The following CNOT10 variants were observed in gnomAD, a reference collection of about 807,000 sequenced individuals.
The protein encoded by CNOT10 is CCR4-NOT transcription complex subunit 10.
A neutral mutation model predicts 94.6 loss-of-function variants in CNOT10; 30 were observed. The observed-to-expected ratio is 0.32, with a 90% CI of 0.24 to 0.43. The LOEUF is 0.43. CNOT10 is among the 20% of genes least tolerant of loss of function. CNOT10 has a pLI of 1.00. For missense variants in CNOT10, 759 were observed against 877.2 expected, an observed-to-expected ratio of 0.87 and a Z score of 1.70; for synonymous variants, 289 against 301.6, an observed-to-expected ratio of 0.96 and a Z score of 0.43.
chr3:32,764,671 T>C lies in CNOT10; in HGVS notation c.1877-11T>C. On this transcript the variant is annotated splice_polypyrimidine_tract_variant and intron_variant, in intron 16 of 18. Coordinates refer to ENST00000328834, the MANE Select transcript of CNOT10 (RefSeq NM_015442.3). ...GGCCTCTTCACCAGTGTCTACACTCTTTTTCCCCAGCTGGTAAGCGGGCCC... is the reference window on the plus strand; with the variant it reads ...GGCCTCTTCACCAGTGTCTACACTCCTTTTCCCCAGCTGGTAAGCGGGCCC... 6.2e-7 allele frequency: 1 copy of C among 1,612,178 alleles called. No individual in the cohort carries two copies. The highest frequency in any genetic ancestry group is 8.5e-7 in the Non-Finnish European group (1 of 1,179,222).
intron 13 of CNOT10, among the ~76,000 whole-genome samples, chr3:32,747,005 T>C (rs1699729432): frequency 6.6e-6 from 1 of 151,968 alleles, no homozygotes; most frequent in African/African-American, 2.4e-5. Flanking sequence ...TAATCCCAGC[T>C]ACACGGGGGG....
chr3:32,719,802 A>G (rs1698289670), intron 7 of CNOT10, among the ~76,000 whole-genome samples: 1 of 152,184 alleles, frequency 6.6e-6, no homozygotes, highest in Non-Finnish European at 1.5e-5. Context: ...TGTGTTGTCA[A>G]ATTGGTTTTC....
chr3:32,685,258 AGCTGTT>A lies in CNOT10; in HGVS notation c.-193_-188del, dbSNP rs967010692. 1.1e-5 allele frequency: 6 copies of A among 550,276 alleles called. No homozygotes were observed. Among genetic ancestry groups the A allele is most frequent in the African/African-American group, 7.8e-5 (4 of 51,322 alleles). 34.1% of individuals were successfully genotyped at this position (550,276 alleles called of 1,614,324 possible). On this transcript the variant is annotated 5_prime_UTR_variant, in exon 1 of 19. Coordinates refer to ENST00000328834, the MANE Select transcript of CNOT10 (RefSeq NM_015442.3). ...GGCTGTGGCGGTCCCTTGGTGGGGA[AGCTGTT>A]GCTGTTGCTAGACGACGGGAACTAG...
At chr3:32,685,826 A>C (rs1696570352) in intron 1 of CNOT10, among the ~76,000 whole-genome samples, 1 of 152,144 alleles carries the variant, frequency 6.6e-6, no homozygotes, top group Non-Finnish European at 1.5e-5. Context: ...ACCCTGGAGC[A>C]CACATCTGCC....
intron 1 of CNOT10, chr3:32,695,799 G>A (rs1312876201): frequency 3.9e-6 from 6 of 1,535,768 alleles, no homozygotes; most frequent in Non-Finnish European, 5.2e-6. Flanking sequence ...ATAAAGAAAT[G>A]CTGTGGGATT....
At chr3:32,765,041 T>C (rs763901942) in intron 17 of CNOT10, 3 of 1,389,198 alleles carry the variant, frequency 2.2e-6, no homozygotes, top group Non-Finnish European at 2.8e-6. Context: ...AAAAATTTTT[T>C]TTTGCCAGGC....
At chr3:32,727,601 T>TA in intron 9 of CNOT10, 67 bp from the exon 10 acceptor site, 2 of 1,038,414 alleles carry the variant, frequency 1.9e-6, no homozygotes, top group Non-Finnish European at 3.0e-6. Flanking sequence ...CTTAATGGAG[T>TA]AAATGTTTTC....
intron 11 of CNOT10, among the ~76,000 whole-genome samples, 171 bp downstream of exon 11, chr3:32,733,715 T>G (rs1447332289): frequency 6.6e-6 from 1 of 152,184 alleles, no homozygotes; most frequent in Non-Finnish European, 1.5e-5. Context: ...CCATAGTGAA[T>G]GTTATCTAAC....
intron 18 of CNOT10, among the ~76,000 whole-genome samples, chr3:32,771,048 T>TG (rs747344220): frequency 3.9e-5 from 6 of 151,932 alleles, no homozygotes; most frequent in Non-Finnish European, 7.4e-5. Flanking sequence ...AGTTAGGAGC[T>TG]GGGCGCAGTG....
chr3:32,747,844 A>T (rs1699769361), intron 13 of CNOT10, among the ~76,000 whole-genome samples: 1 of 152,112 alleles, frequency 6.6e-6, no homozygotes, highest in Non-Finnish European at 1.5e-5. Context: ...GCTCCTCGGG[A>T]GGCTGAGGCG....
chr3:32,705,041 T>G, intron 3 of CNOT10, 69 bp downstream of exon 3: 1 of 1,002,042 alleles, frequency 1.0e-6, no homozygotes, highest in Non-Finnish European at 1.4e-6. Flanking sequence ...CACAAATAGT[T>G]AAGGAAAATA....
rs1389495267 is a variant in CNOT10, at chr3:32,717,171, T to C, written c.678T>C (p.Tyr226=). 3 of 1,604,302 alleles carry C rather than the reference T, an allele frequency of 1.9e-6. No homozygotes were observed. The highest frequency in any genetic ancestry group is 2.2e-5 in the East Asian group (1 of 44,532). Residue 226 remains tyrosine, a synonymous_variant, in exon 7 of 19, where the codon TAT becomes TAC. Transcript: ENST00000328834. ...SKIHQYKVRA[Y]IQMKSLKACK... ...TTTGACAGTACAAAGTACGAGCTTA[T>C]ATCCAAATGAAGTCTCTGAAAGCAT...
At chr3:32,755,604 C>G (rs772851550) in intron 13 of CNOT10, among the ~76,000 whole-genome samples, 107 of 152,064 alleles carry the variant, frequency 7.0e-4, no homozygotes, top group South Asian at 1.2e-3. Flanking sequence ...CTCATTTTAG[C>G]CTTTTTTAAT....
intron 1 of CNOT10, among the ~76,000 whole-genome samples, chr3:32,690,981 C>T (rs1312991425): frequency 6.9e-6 from 1 of 145,082 alleles, no homozygotes; most frequent in East Asian, 2.1e-4. Context: ...TTTGCTTCCT[C>T]TATCACTAGC....
Position 32,705,262 on chromosome 3 carries a change from G to A in CNOT10, c.279+290G>A, listed in dbSNP as rs1181872570. Among the ~76,000 whole-genome samples the A allele has an allele frequency of 2.6e-5, 4 of 152,100 alleles. No homozygotes were observed. In the South Asian group the frequency reaches 8.3e-4, roughly 32 times the overall value. On this transcript the variant is annotated intron_variant, in intron 3 of 18. Transcript: ENST00000328834. ...AACTATATGAAGAAGCTTAGCTGTG[G>A]AGATATATCTTGTTTATAATGAAAA...
chr3:32,762,891 T>C (rs1188872134), intron 15 of CNOT10, 28 bp downstream of exon 15: 5 of 1,483,854 alleles, frequency 3.4e-6, no homozygotes, highest in South Asian at 1.4e-5. Context: ...TGATCAGAAC[T>C]GGTCACTGTT....
rs537282157 is a variant in CNOT10 at position 32,716,418 on chromosome 3, C to T, written c.660+107C>T. On this transcript the variant is annotated intron_variant, in intron 6 of 18. Transcript: ENST00000328834. ...TGGAAGCAGTCAATAATTCAAGGTG[C>T]ATATATTTGTTTGTCTTTTGAAGTA... The T allele has an allele frequency of 7.4e-5, 41 of 553,058 alleles. No individual in the cohort carries two copies. In the East Asian group the frequency reaches 1.2e-3, roughly 16 times the overall value. 34.3% of individuals were successfully genotyped at this position (553,058 alleles called of 1,614,324 possible).
chr3:32,772,573 C>T (rs1018882532), intron 18 of CNOT10, among the ~76,000 whole-genome samples: 18 of 148,074 alleles, frequency 1.2e-4, no homozygotes, highest in African/African-American at 2.5e-4. Flanking sequence ...AGCTCATGCC[C>T]GTAATCCCAG....
intron 13 of CNOT10, among the ~76,000 whole-genome samples, chr3:32,752,714 G>A (rs1700017543): frequency 6.6e-6 from 1 of 152,188 alleles, no homozygotes; most frequent in Non-Finnish European, 1.5e-5. Context: ...GGTGGCTCAT[G>A]CCTGTAATCC....
Sources: allele counts gnomAD v4.1 joint callset (sites outside exome capture counted in the v4.1 genomes callset), GRCh38; gene constraint gnomAD v4.1.1; transcripts MANE v1.5; gene names NCBI Gene and HGNC (gene_info 2026-07-23, HGNC 2026-07-21).